The following NEMP1 variants were observed in gnomAD, a reference collection of about 807,000 sequenced individuals.
NEMP1 encodes nuclear envelope integral membrane protein 1, also known as transmembrane protein 194.
A neutral mutation model predicts 53.7 loss-of-function variants in NEMP1; 29 were observed. The observed-to-expected ratio is 0.54, with a 90% CI of 0.40 to 0.74. The LOEUF (loss-of-function observed/expected upper bound fraction) is 0.74, where lower values mean the gene tolerates loss of function less well. Among genes scored for constraint, NEMP1 ranks in the 30% least tolerant of loss-of-function variants. The probability of loss-of-function intolerance (pLI) is 0.00; values close to 1 mark genes in which losing one functional copy is unlikely to be tolerated. For missense variants in NEMP1, 477 were observed against 528.6 expected (o/e 0.90, Z 0.96); for synonymous variants, 193 against 192.9 (o/e 1.00, Z 0.00).
At position 57,064,123 on chromosome 12, in the gene NEMP1, T is replaced by G. The variant is rs775306268; in HGVS notation, c.702A>C (p.Leu234=). ...GWSFSLYLIQ[L]VFKNLQEIWR... is the part of the protein sequence containing the mutation. ...AGATCTCTTGTAAATTTTTAAAAAC[T>G]AGTTGAATGAGGTACAGAGAAAAAG... The change falls in exon 6 of 9, where the codon CTA becomes CTC. Residue 234 remains leucine (L), a synonymous_variant. Coordinates refer to ENST00000300128, the MANE Select transcript of NEMP1 (RefSeq NM_001130963.2). 65 of 1,610,910 alleles carry G rather than the reference T, an allele frequency of 4.0e-5. No homozygotes were observed. Among genetic ancestry groups the G allele is most frequent in the Non-Finnish European group, 5.3e-5 (63 of 1,179,052 alleles).
chr12:57,061,829 TCTA>T lies in NEMP1; in HGVS notation c.981-887_981-885del, dbSNP rs1223002353. ...CTGGCCAACATAGTGAAACGCCATCTCTACTATAAAAATGCAAAAATTAGCTGG... is the reference window on the plus strand; with the variant it reads ...CTGGCCAACATAGTGAAACGCCATCTCTATAAAAATGCAAAAATTAGCTGG... On this transcript the variant is annotated intron_variant, in intron 7 of 8. Transcript: ENST00000300128. 2.0e-5 allele frequency among the ~76,000 whole-genome samples: 3 copies of T among 151,064 alleles called. No individual in the cohort carries two copies. The East Asian group carries it at 5.9e-4, about 30-fold the overall frequency.
In NEMP1 at chr12:57,055,909, A is replaced by C. The variant is rs1412213825; in HGVS notation, c.*3970T>G. The C allele has an allele frequency of 6.6e-6, 1 of 152,216 alleles. No homozygotes were observed. The highest frequency in any genetic ancestry group is 6.5e-5 in the Admixed American group (1 of 15,282). The allele number at this position is 152,216 out of a possible 1,614,324, so 9.4% of individuals were successfully genotyped here. A position where few individuals can be genotyped will look rare whatever the true frequency, so the allele number is the denominator to read the frequency against. On this transcript the variant is annotated 3_prime_UTR_variant, in exon 9 of 9. Coordinates refer to ENST00000300128, the MANE Select transcript of NEMP1 (RefSeq NM_001130963.2). ...TGCTATTTCAATATCAATTCCACAA[A>C]CATGGAAAATTATGGTAACTGCAGG...
At chr12:57,068,615 G>C (rs2032205044) in intron 4 of NEMP1, among the ~76,000 whole-genome samples, 1 of 152,086 alleles carries the variant, frequency 6.6e-6, no homozygotes, top group African/African-American at 2.4e-5. Flanking sequence ...GCCCAGGCTG[G>C]AGCACAGTGG....
chr12:57,064,627 T>C lies in NEMP1; in HGVS notation c.639+19A>G. 1 of 1,569,246 alleles carries C rather than the reference T, an allele frequency of 6.4e-7. No homozygotes were observed. The highest frequency in any genetic ancestry group is 8.7e-7 in the Non-Finnish European group (1 of 1,148,260). On this transcript the variant is annotated intron_variant, in intron 5 of 8. Coordinates refer to ENST00000300128, the MANE Select transcript of NEMP1 (RefSeq NM_001130963.2). ...TATCCAAATTCATTCTAGCTGCACA[T>C]GAAGATTCTGATACTTACCTTAGGC...
At chr12:57,075,117 T>A (rs1159594460) in intron 1 of NEMP1, among the ~76,000 whole-genome samples, 1 of 150,962 alleles carries the variant, frequency 6.6e-6, no homozygotes, top group Non-Finnish European at 1.5e-5. Context: ...CTGGGCGCCG[T>A]GGCTCACACC....
intron 7 of NEMP1, among the ~76,000 whole-genome samples, chr12:57,061,457 G>A (rs1475664406): frequency 6.6e-6 from 1 of 152,126 alleles, no homozygotes; most frequent in Non-Finnish European, 1.5e-5. Context: ...ACTTTGGGAG[G>A]CCAAGGCAGG....
intron 4 of NEMP1, among the ~76,000 whole-genome samples, 196 bp from the exon 5 acceptor site, chr12:57,064,935 C>A (rs2032000480): frequency 6.6e-6 from 1 of 152,304 alleles, no homozygotes; most frequent in Non-Finnish European, 1.5e-5. Flanking sequence ...GTAAGTCACA[C>A]AAATTTTTTG....
At chr12:57,063,402 T>C (rs2031918426) in intron 6 of NEMP1, 58 bp from the exon 7 acceptor site, 1 of 1,441,948 alleles carries the variant, frequency 6.9e-7, no homozygotes, top group Non-Finnish European at 9.7e-7. Flanking sequence ...AAAAATAATT[T>C]GTGTGGGAAG....
chr12:57,083,075 ATTT>A (rs567719964), upstream of NEMP1, among the ~76,000 whole-genome samples: 12 of 152,178 alleles, frequency 7.9e-5, no homozygotes, highest in East Asian at 1.7e-3. Flanking sequence ...ATGTATATGT[ATTT>A]TTTTATGTGT....
rs1274952312 is a variant in NEMP1 at position 57,071,000 on chromosome 12, G to T, written c.253-107C>A. ...TCAGACTAACAACCAAATCAGTAAT[G>T]GTGCCAGTTTTCCACAAAGCTTATC... On this transcript the variant is annotated intron_variant, in intron 2 of 8. Transcript: ENST00000300128. 4 of 833,772 alleles carry T rather than the reference G, an allele frequency of 4.8e-6. No individual in the cohort carries two copies. The African/African-American group carries it at 5.2e-5, about 11-fold the overall frequency. The allele number at this position is 833,772 out of a possible 1,614,324, so 51.6% of individuals were successfully genotyped here.
intron 2 of NEMP1, among the ~76,000 whole-genome samples, chr12:57,071,701 A>AT (rs1158064092): frequency 2.0e-5 from 3 of 151,692 alleles, no homozygotes; most frequent in African/African-American, 4.8e-5. Flanking sequence ...TTTTTAAAGA[A>AT]TTTTTTTTAA....
intron 1 of NEMP1, among the ~76,000 whole-genome samples, chr12:57,087,672 G>C (rs1338111425): frequency 1.3e-5 from 2 of 152,076 alleles, no homozygotes; most frequent in Non-Finnish European, 2.9e-5. Context: ...CCACAAGGCG[G>C]AAAGGTCTCC....
chr12:57,082,138 C>A (rs2032866067), upstream of NEMP1, among the ~76,000 whole-genome samples: 1 of 151,852 alleles, frequency 6.6e-6, no homozygotes, highest in Admixed American at 6.6e-5. Context: ...ATCACTTGAA[C>A]CTGGGAGGCG....
chr12:57,066,222 T>C (rs1313123940), intron 4 of NEMP1, among the ~76,000 whole-genome samples: 1 of 152,126 alleles, frequency 6.6e-6, no homozygotes, highest in Non-Finnish European at 1.5e-5. Flanking sequence ...GCCACTGCAC[T>C]CCAGCCTGGG....
chr12:57,072,984 TTAAAC>T (rs2032422142), intron 1 of NEMP1, 72 bp from the exon 2 acceptor site: 1 of 1,380,960 alleles, frequency 7.2e-7, no homozygotes, highest in African/African-American at 1.5e-5. Context: ...ATGAAAAAGA[TTAAAC>T]TAACCATTTT....
upstream of NEMP1, among the ~76,000 whole-genome samples, chr12:57,080,368 C>T (rs2032808611): frequency 6.6e-6 from 1 of 151,906 alleles, no homozygotes; most frequent in African/African-American, 2.4e-5. Flanking sequence ...CAACTGAGGT[C>T]AGGAGTTCGA....
rs192954300 is a variant in NEMP1 at position 57,064,273 on chromosome 12, T to C, written c.640-88A>G. The C allele has an allele frequency of 1.4e-5, 11 of 785,422 alleles. No homozygotes were observed. In the African/African-American group the frequency reaches 1.8e-4, roughly 13 times the overall value. 48.7% of individuals were successfully genotyped at this position (785,422 alleles called of 1,614,324 possible). ...CAAAATGGAACTATGATTTTTTTTT[T>C]AAAAAATTCAACCTACTCAAAATGC... On this transcript the variant is annotated intron_variant, in intron 5 of 8. Coordinates refer to ENST00000300128, the MANE Select transcript of NEMP1 (RefSeq NM_001130963.2).
chr12:57,081,379 G>C (rs1326762473), upstream of NEMP1, among the ~76,000 whole-genome samples: 1 of 151,992 alleles, frequency 6.6e-6, no homozygotes, highest in Non-Finnish European at 1.5e-5. Flanking sequence ...AAGTAGCTGG[G>C]ATTACAGGTG....
At chr12:57,079,806 T>C (rs2032790097), upstream of NEMP1, among the ~76,000 whole-genome samples, 1 of 152,192 alleles carries the variant, frequency 6.6e-6, no homozygotes. Context: ...GGTCATTCTC[T>C]GACACCCAAG....
Sources: allele counts gnomAD v4.1 joint callset (sites outside exome capture counted in the v4.1 genomes callset), GRCh38; gene constraint gnomAD v4.1.1; transcripts MANE v1.5; gene names NCBI Gene and HGNC (gene_info 2026-07-23, HGNC 2026-07-21).